PLCH1: variants seen among roughly 807,000 people sequenced by gnomAD.
PLCH1 encodes the protein phospholipase C eta 1.
In PLCH1, 60 loss-of-function variants were observed where a neutral mutation model predicts 126.7. The ratio of observed to expected loss-of-function variants is 0.47; its 90% CI spans 0.38 to 0.59. The LOEUF (loss-of-function observed/expected upper bound fraction) is 0.59. Among genes scored for constraint, PLCH1 ranks in the 20% least tolerant of loss-of-function variants. The pLI is 0.00. For missense variants in PLCH1, 1,723 were observed against 2,040.0 expected, an observed-to-expected ratio of 0.84 and a Z score of 2.99; for synonymous variants, 719 against 734.9, an observed-to-expected ratio of 0.98 and a Z score of 0.35.
chr3:155,574,288 G>A (rs1421868938), intron 6 of PLCH1, among the ~76,000 whole-genome samples: 1 of 152,168 alleles, frequency 6.6e-6, no homozygotes, highest in Non-Finnish European at 1.5e-5. Flanking sequence ...GGTTGGAGGA[G>A]AAAATCTGAA....
rs1439035636 is a variant in PLCH1, at chr3:155,480,952, T to C, written c.*16A>G. 6.5e-7 allele frequency: 1 copy of C among 1,545,378 alleles called. No homozygotes were observed. On this transcript the variant is annotated 3_prime_UTR_variant, in exon 23 of 23. Coordinates refer to ENST00000460012, the MANE Select transcript of PLCH1 (RefSeq NM_014996.4). ...CAGAATACCTTGAAAACCTTAAGAA[T>C]GCAGTTTTAAATAATTCACAGTCTC...
intron 1 of PLCH1, among the ~76,000 whole-genome samples, chr3:155,710,580 C>G (rs1429712821): frequency 6.6e-6 from 1 of 152,082 alleles, no homozygotes; most frequent in African/African-American, 2.4e-5. Flanking sequence ...TGCCTGTAAT[C>G]CCAGCACTTT....
intron 1 of PLCH1, among the ~76,000 whole-genome samples, chr3:155,707,948 C>T (rs79086316): frequency 0.039 from 5,992 of 152,232 alleles, 164 homozygotes; most frequent in Middle Eastern, 0.071. Context: ...GGTAACATGC[C>T]ACTGCCTTCA....
chr3:155,516,430 T>A (rs893845941), intron 11 of PLCH1, among the ~76,000 whole-genome samples: 71 of 151,912 alleles, frequency 4.7e-4, no homozygotes, highest in Non-Finnish European at 1.3e-4. Context: ...TTACATGAAT[T>A]AAGAATGTTC....
chr3:155,676,875 G>C (rs1338714932), intron 2 of PLCH1, among the ~76,000 whole-genome samples: 1 of 152,036 alleles, frequency 6.6e-6, no homozygotes, highest in Non-Finnish European at 1.5e-5. Context: ...ACGTGGACAA[G>C]GTAGACAGCA....
chr3:155,737,860 C>T (rs1749313707), intron 1 of PLCH1, among the ~76,000 whole-genome samples: 1 of 151,952 alleles, frequency 6.6e-6, no homozygotes, highest in Admixed American at 6.6e-5. Context: ...GATCTAAGGT[C>T]CAGAAGCCTC....
In PLCH1 at chr3:155,458,482, G is replaced by GA. The variant is rs1576759607; in HGVS notation, c.2938+26873dup. Among the ~76,000 whole-genome samples, 2 of 98,910 alleles carry GA rather than the reference G, an allele frequency of 2.0e-5. 1 individual carries two copies. Among genetic ancestry groups the GA allele is most frequent in the African/African-American group, 1.8e-4 (2 of 11,032 alleles). The allele number at this position is 98,910 out of a possible 152,430, so 64.9% of individuals were successfully genotyped here. A position where few individuals can be genotyped will look rare whatever the true frequency, so the allele number is the denominator to read the frequency against. ...AGAAAGAAAGAAAGAAAGAAAGAAA[G>GA]AAAGAAAGAAAGAAAGAGAAAGAAG... On this transcript the variant is annotated intron_variant, in intron 21 of 21. Coordinates refer to the PLCH1 transcript ENST00000494598.
At position 155,530,366 on chromosome 3, in the gene PLCH1, C is replaced by T. The variant is rs1249122518; in HGVS notation, c.1363-6362G>A. ...TTTGAGATGGAGTCTCGCTCTGTCG[C>T]CCAGGCTGGAGTGCAGTGGTGCGAT... is the stretch of plus-strand genomic sequence containing the variant. On this transcript the variant is annotated intron_variant, in intron 10 of 22. Transcript: ENST00000460012. Among the ~76,000 whole-genome samples the T allele has an allele frequency of 2.0e-5, 3 of 150,962 alleles. No individual in the cohort carries two copies. In the East Asian group the frequency reaches 5.9e-4, roughly 29 times the overall value.
intron 2 of PLCH1, among the ~76,000 whole-genome samples, chr3:155,676,693 G>A (rs973786348): frequency 2.6e-5 from 4 of 152,194 alleles, no homozygotes; most frequent in East Asian, 1.9e-4. Context: ...TATTCAAAGC[G>A]TTGAGGGTTT....
chr3:155,705,191 G>A (rs1746563921), intron 1 of PLCH1, among the ~76,000 whole-genome samples: 1 of 152,048 alleles, frequency 6.6e-6, no homozygotes, highest in Non-Finnish European at 1.5e-5. Flanking sequence ...ACGTATCCCA[G>A]GATAAAATCA....
At chr3:155,455,620 G>T (rs1712418883) in intron 21 of PLCH1, among the ~76,000 whole-genome samples, 2 of 152,184 alleles carry the variant, frequency 1.3e-5, no homozygotes, top group Admixed American at 6.5e-5. Flanking sequence ...ATTTGCAAAT[G>T]AATTTAGGGT....
At chr3:155,533,459 T>C (rs1722956259) in intron 10 of PLCH1, among the ~76,000 whole-genome samples, 2 of 152,144 alleles carry the variant, frequency 1.3e-5, no homozygotes, top group South Asian at 2.1e-4. Context: ...GGCAGGAGAA[T>C]TGCTTGAACT....
rs531969576 is a variant in PLCH1 at position 155,591,651 on chromosome 3, T to C, written c.470+2290A>G. Among the ~76,000 whole-genome samples the C allele has an allele frequency of 6.0e-3, 911 of 152,344 alleles. 4 individuals carry two copies. Among genetic ancestry groups the C allele is most frequent in the Non-Finnish European group, 9.5e-3 (647 of 68,028 alleles). On this transcript the variant is annotated intron_variant, in intron 4 of 22. Coordinates refer to ENST00000460012, the MANE Select transcript of PLCH1 (RefSeq NM_014996.4). ...ATTATTATTATAAATAAACACATTT[T>C]TATGTCTCACATTTAATCTCTAATA...
chr3:155,626,768 C>CA (rs71155058), intron 2 of PLCH1, among the ~76,000 whole-genome samples: 1,443 of 49,608 alleles, frequency 0.029, 237 homozygotes, highest in Non-Finnish European at 0.044. Context: ...GACTCCGTCT[C>CA]AAAAAAAAAA....
intron 21 of PLCH1, among the ~76,000 whole-genome samples, chr3:155,453,984 A>G (rs1410045969): frequency 6.6e-6 from 1 of 152,130 alleles, no homozygotes; most frequent in African/African-American, 2.4e-5. Flanking sequence ...AGAGAAAAGA[A>G]TAAGTCAGCC....
chr3:155,584,754 C>T (rs1007945113), intron 5 of PLCH1, among the ~76,000 whole-genome samples: 1 of 152,168 alleles, frequency 6.6e-6, no homozygotes, highest in Non-Finnish European at 1.5e-5. Flanking sequence ...TAAAATTTTG[C>T]TAACTTTGGG....
chr3:155,653,774 T>C (rs1577248541), intron 2 of PLCH1, among the ~76,000 whole-genome samples: 1 of 152,182 alleles, frequency 6.6e-6, no homozygotes, highest in East Asian at 1.9e-4. Context: ...TCTTCACCTA[T>C]GCCTGTACAC....
intron 1 of PLCH1, among the ~76,000 whole-genome samples, chr3:155,715,251 T>C (rs1388022300): frequency 6.6e-6 from 1 of 152,182 alleles, no homozygotes; most frequent in African/African-American, 2.4e-5. Flanking sequence ...TGCTAGCTTT[T>C]ACAGTAATCT....
chr3:155,500,880 G>A, intron 13 of PLCH1, 86 bp from the exon 14 acceptor site: 2 of 823,874 alleles, frequency 2.4e-6, no homozygotes, highest in Non-Finnish European at 2.0e-6. Context: ...GCTTTAAAAT[G>A]CACATGTGCA....
Sources: gnomAD v4.1 joint callset for allele counts (sites outside exome capture counted in the v4.1 genomes callset) on GRCh38, gnomAD v4.1.1 for gene constraint, MANE v1.5 for transcripts, NCBI Gene and HGNC (gene_info 2026-07-23, HGNC 2026-07-21) for gene names.